The following C16orf46 variants were observed in gnomAD, a reference collection of about 807,000 sequenced individuals.
The protein encoded by C16orf46 is chromosome 16 open reading frame 46, also known as uncharacterized protein C16orf46.
A neutral mutation model predicts 5.5 loss-of-function variants in C16orf46; 7 were observed. The observed-to-expected ratio is 1.28, with a 90% CI of 0.73 to 2.40. C16orf46 has a LOEUF of 2.40. C16orf46 is among the 30% of genes most tolerant of loss of function. The probability of loss-of-function intolerance (pLI) is 0.00; values close to 1 mark genes in which losing one functional copy is unlikely to be tolerated. For synonymous variants in C16orf46, 200 were observed against 184.1 expected (o/e 1.09, Z -0.70); for missense variants, 614 against 476.0 (o/e 1.29, Z -2.70).
intron 1 of C16orf46, among the ~76,000 whole-genome samples, chr16:81,071,694 CAATA>C (rs1336662533): frequency 3.3e-5 from 5 of 151,580 alleles, no homozygotes; most frequent in African/African-American, 7.3e-5. Context: ...GTCTCTAAAT[CAATA>C]AATAAGTAAA....
chr16:81,077,207 C>A lies in C16orf46; in HGVS notation c.-199G>T, dbSNP rs1972073920. 1 of 152,336 alleles carries A rather than the reference C, an allele frequency of 6.6e-6. No individual in the cohort carries two copies. The highest frequency in any genetic ancestry group is 2.4e-5 in the African/African-American group (1 of 41,476). 9.4% of individuals were successfully genotyped at this position (152,336 alleles called of 1,614,324 possible). A position where few individuals can be genotyped will look rare whatever the true frequency, so the allele number is the denominator to read the frequency against. ...CTACTGGCAAGAGCTACTCAGGTCG[C>A]TGCCGGATGGGCCGTTGCCTTGGGT... On this transcript the variant is annotated 5_prime_UTR_variant, in exon 1 of 4. Coordinates refer to ENST00000299578, the MANE Select transcript of C16orf46 (RefSeq NM_152337.3).
In C16orf46 at chr16:81,054,122, A is replaced by G. The variant is rs1307931374; in HGVS notation, c.1144-28T>C. 3 of 1,606,240 alleles carry G rather than the reference A, an allele frequency of 1.9e-6. 1 individual carries two copies. The South Asian group carries it at 3.3e-5, about 18-fold the overall frequency. The stretch of plus-strand genomic sequence containing the variant: ...GTAACGAGAAATTTAATGACTTCAG[A>G]AAATGTAGAGCCCATGCTGCAATGA... On this transcript the variant is annotated intron_variant, in intron 3 of 3. Coordinates refer to the C16orf46 transcript ENST00000378611.
intron 3 of C16orf46, among the ~76,000 whole-genome samples, chr16:81,062,673 G>A (rs950321234): frequency 1.3e-5 from 2 of 152,084 alleles, no homozygotes; most frequent in Non-Finnish European, 2.9e-5. Flanking sequence ...GAATGCAGAG[G>A]AGCCCTGCGT....
intron 1 of C16orf46, among the ~76,000 whole-genome samples, chr16:81,075,231 T>C (rs1357465842): frequency 2.0e-5 from 3 of 149,658 alleles, no homozygotes; most frequent in Non-Finnish European, 4.4e-5. Flanking sequence ...CCAAGAGTTA[T>C]AGAAGTTGAT....
chr16:81,074,015 T>TTAA (rs1261044338), intron 1 of C16orf46, among the ~76,000 whole-genome samples: 2 of 152,258 alleles, frequency 1.3e-5, no homozygotes, highest in African/African-American at 4.8e-5. Flanking sequence ...TTTCAACGAC[T>TTAA]GAGTGCTCGT....
intron 2 of C16orf46, among the ~76,000 whole-genome samples, chr16:81,065,289 T>C (rs1333999859): frequency 6.6e-6 from 1 of 152,038 alleles, no homozygotes; most frequent in African/African-American, 2.4e-5. Flanking sequence ...CTGACCAACA[T>C]GGTGAAACCC....
chr16:81,067,082 G>A (rs957907771), intron 1 of C16orf46, among the ~76,000 whole-genome samples: 4 of 151,994 alleles, frequency 2.6e-5, no homozygotes, highest in Non-Finnish European at 5.9e-5. Context: ...TAAACCCAAA[G>A]AAAAACTGAT....
intron 1 of C16orf46, among the ~76,000 whole-genome samples, chr16:81,073,890 G>T (rs1397318182): frequency 6.6e-6 from 1 of 152,142 alleles, no homozygotes; most frequent in Non-Finnish European, 1.5e-5. Flanking sequence ...CTTGGAAGTG[G>T]GTTCTTCCAA....
chr16:81,067,037 C>G (rs56117555), intron 1 of C16orf46, among the ~76,000 whole-genome samples: 5,503 of 152,178 alleles, frequency 0.036, 330 homozygotes, highest in African/African-American at 0.12. Flanking sequence ...GACTCTGATC[C>G]AAGCCCCCAA....
chr16:81,056,086 C>T (rs1402387321), downstream of C16orf46: 1 of 152,160 alleles, frequency 6.6e-6, no homozygotes, highest in African/African-American at 2.4e-5. Context: ...AGAGAAAAGC[C>T]ACTTTGATAT....
intron 1 of C16orf46, among the ~76,000 whole-genome samples, chr16:81,072,771 G>A (rs944474412): frequency 6.6e-5 from 10 of 151,708 alleles, no homozygotes; most frequent in Admixed American, 5.3e-4. Context: ...GCATGATCTC[G>A]GCTCACTGCA....
intron 2 of C16orf46, 113 bp from the exon 3 acceptor site, chr16:81,064,106 G>A (rs1193729403): frequency 4.3e-5 from 26 of 599,198 alleles, no homozygotes; most frequent in Middle Eastern, 4.6e-4. Flanking sequence ...ATGGCCGGCC[G>A]CGGTGGCTCA....
At chr16:81,070,470 A>T (rs1174009752) in intron 1 of C16orf46, among the ~76,000 whole-genome samples, 1 of 152,214 alleles carries the variant, frequency 6.6e-6, no homozygotes, top group Non-Finnish European at 1.5e-5. Context: ...CGCCAGAATA[A>T]GGAATCCAGA....
intron 3 of C16orf46, chr16:81,054,155 G>T: frequency 6.6e-7 from 1 of 1,519,652 alleles, no homozygotes. Flanking sequence ...TGAAAATGTG[G>T]CAGAAGTCAA....
At chr16:81,065,858 G>C (rs560644220) in intron 2 of C16orf46, among the ~76,000 whole-genome samples, 46 of 141,434 alleles carry the variant, frequency 3.3e-4, no homozygotes, top group Non-Finnish European at 4.5e-4. Flanking sequence ...TTTTGTTTTT[G>C]AGACAGAGTC....
intron 1 of C16orf46, chr16:81,072,310 T>C (rs1246040297): frequency 7.3e-6 from 1 of 136,288 alleles, no homozygotes; most frequent in Non-Finnish European, 1.5e-5. Context: ...GTTGTTCGTG[T>C]AATGATTATA....
intron 1 of C16orf46, among the ~76,000 whole-genome samples, chr16:81,066,815 C>T (rs769579142): frequency 1.3e-4 from 20 of 152,178 alleles, no homozygotes; most frequent in Non-Finnish European, 2.8e-4. Context: ...ATAAAGCATA[C>T]ATCAAAGTCC....
At chr16:81,067,825 G>GT (rs1971700238) in intron 1 of C16orf46, among the ~76,000 whole-genome samples, 1 of 152,032 alleles carries the variant, frequency 6.6e-6, no homozygotes, top group Non-Finnish European at 1.5e-5. Context: ...AGAAATAAAT[G>GT]TATCAATGAA....
At chr16:81,073,686 C>T (rs942749805) in intron 1 of C16orf46, among the ~76,000 whole-genome samples, 4 of 152,148 alleles carry the variant, frequency 2.6e-5, no homozygotes, top group African/African-American at 7.2e-5. Flanking sequence ...CTAGCAGCAG[C>T]AGAAGTCAGA....
Sources: allele counts gnomAD v4.1 joint callset (sites outside exome capture counted in the v4.1 genomes callset), GRCh38; gene constraint gnomAD v4.1.1; transcripts MANE v1.5; gene names NCBI Gene and HGNC (gene_info 2026-07-23, HGNC 2026-07-21).